The following HLCS variants were observed in gnomAD, a reference collection of about 807,000 sequenced individuals.
HLCS encodes biotin--protein ligase.
HLCS carries 53 observed loss-of-function variants against 75.0 expected under a neutral mutation model. The observed-to-expected ratio is 0.71, with a 90% CI of 0.57 to 0.89. The LOEUF is 0.89. Among genes scored for constraint, HLCS ranks in the 40% least tolerant of loss-of-function variants. The pLI, the probability that HLCS is intolerant of heterozygous loss-of-function variation, is 0.00. For synonymous variants in HLCS, 431 were observed against 428.6 expected (o/e 1.01, Z -0.07); for missense variants, 966 against 1,074.0 (o/e 0.90, Z 1.41).
chr21:36,790,057 A>G (rs2060810722), intron 6 of HLCS, among the ~76,000 whole-genome samples: 1 of 151,752 alleles, frequency 6.6e-6, no homozygotes, highest in African/African-American at 2.4e-5. Flanking sequence ...GGTTTGAACA[A>G]GGCTTAAAAG....
At chr21:36,883,585 T>C (rs556234397) in intron 6 of HLCS, among the ~76,000 whole-genome samples, 14 of 152,366 alleles carry the variant, frequency 9.2e-5, no homozygotes, top group African/African-American at 3.1e-4. Context: ...TTTCTTATCA[T>C]AGATTTCTTA....
chr21:36,907,978 A>G (rs2065533186), intron 5 of HLCS, among the ~76,000 whole-genome samples: 1 of 152,174 alleles, frequency 6.6e-6, no homozygotes, highest in African/African-American at 2.4e-5. Flanking sequence ...TAAAATTAAA[A>G]AACTATTTTA....
chr21:36,864,054 G>C (rs930635688), intron 6 of HLCS, among the ~76,000 whole-genome samples: 1 of 152,184 alleles, frequency 6.6e-6, no homozygotes, highest in African/African-American at 2.4e-5. Flanking sequence ...TCTTGTAAGT[G>C]TGTTCAAAGG....
intron 1 of HLCS, among the ~76,000 whole-genome samples, chr21:36,986,243 G>A (rs2069227162): frequency 6.6e-6 from 1 of 152,104 alleles, no homozygotes; most frequent in Non-Finnish European, 1.5e-5. Flanking sequence ...CACCAGATGT[G>A]GCTCCTCAAT....
chr21:36,785,426 A>G (rs895606570), intron 6 of HLCS, among the ~76,000 whole-genome samples: 2 of 151,672 alleles, frequency 1.3e-5, no homozygotes, highest in African/African-American at 2.4e-5. Flanking sequence ...CTTGCCCCCA[A>G]TTCCATTTTC....
chr21:36,918,797 C>T lies in HLCS; in HGVS notation c.1620+11454G>A, dbSNP rs1470433955. ...GCTAAAATGTGGCATTCAACAAGGACACAGAAATCAACTTTGCCCTAAAAG... is the reference window on the plus strand; with the variant it reads ...GCTAAAATGTGGCATTCAACAAGGATACAGAAATCAACTTTGCCCTAAAAG... On this transcript the variant is annotated intron_variant, in intron 5 of 10. Coordinates refer to ENST00000674895, the MANE Select transcript of HLCS (RefSeq NM_001352514.2). 5.3e-5 allele frequency among the ~76,000 whole-genome samples: 8 copies of T among 152,212 alleles called. No individual in the cohort carries two copies. In the South Asian group the frequency reaches 1.2e-3, roughly 24 times the overall value.
At chr21:36,981,102 A>G (rs958250289) in intron 1 of HLCS, 8 of 152,314 alleles carry the variant, frequency 5.3e-5, no homozygotes, top group Non-Finnish European at 1.0e-4. Context: ...ACCCACCTTG[A>G]TAACTGCTTG....
At chr21:36,798,354 T>A (rs2061092496) in intron 6 of HLCS, among the ~76,000 whole-genome samples, 1 of 152,232 alleles carries the variant, frequency 6.6e-6, no homozygotes, top group African/African-American at 2.4e-5. Context: ...TTCTTTTATA[T>A]TGCTTGGATT....
At chr21:36,984,278 T>TTTATTG (rs1289115078) in intron 1 of HLCS, among the ~76,000 whole-genome samples, 2 of 152,120 alleles carry the variant, frequency 1.3e-5, no homozygotes, top group Non-Finnish European at 2.9e-5. Context: ...ATATATATTG[T>TTTATTG]TTTTTCCTAT....
At chr21:36,841,631 C>T (rs2062620134) in intron 6 of HLCS, among the ~76,000 whole-genome samples, 1 of 152,222 alleles carries the variant, frequency 6.6e-6, no homozygotes, top group African/African-American at 2.4e-5. Context: ...GGGCAAAACA[C>T]TATCATCTTC....
intron 1 of HLCS, among the ~76,000 whole-genome samples, chr21:36,973,221 C>T (rs2409870): frequency 0.41 from 59,791 of 144,604 alleles, 12,908 homozygotes; most frequent in South Asian, 0.54. Flanking sequence ...CAGAGAAAGA[C>T]CCTGTCTTTT....
At chr21:36,764,972 T>A (rs1434742226) in intron 8 of HLCS, 40 bp downstream of exon 8, 1 of 1,606,252 alleles carries the variant, frequency 6.2e-7, no homozygotes, top group Non-Finnish European at 8.5e-7. Flanking sequence ...AGATTCTGCA[T>A]GCATCCCAGG....
At position 36,897,059 on chromosome 21, in the gene HLCS, G is replaced by A. The variant is rs2146336015; in HGVS notation, c.1693C>T (p.Leu565Phe). ...DSEGEIKSGQ[L>F]SLRFVSSYVS... ...TAGGATGAAACAAATCTAAGAGAGA[G>A]CTGGCCGGATTTTATTTCTCCCTCG... Residue 565 changes from leucine to phenylalanine, a missense_variant, in exon 6 of 11, where the codon CTC (leucine) becomes TTC (phenylalanine). Leu to Phe is a conservative substitution (Grantham distance 22, BLOSUM62 0). Coordinates refer to ENST00000674895, the MANE Select transcript of HLCS (RefSeq NM_001352514.2). 6.2e-7 allele frequency: 1 copy of A among 1,614,132 alleles called. No individual in the cohort carries two copies. The highest frequency in any genetic ancestry group is 1.1e-5 in the South Asian group (1 of 91,082).
intron 5 of HLCS, among the ~76,000 whole-genome samples, chr21:36,927,952 T>C (rs930027718): frequency 6.6e-6 from 1 of 152,024 alleles, no homozygotes; most frequent in African/African-American, 2.4e-5. Context: ...GGTGCCAAGA[T>C]CCTCTCCATG....
chr21:36,805,175 A>C lies in HLCS; in HGVS notation c.1893-37890T>G, dbSNP rs116687790. On this transcript the variant is annotated intron_variant, in intron 6 of 10. Coordinates refer to ENST00000674895, the MANE Select transcript of HLCS (RefSeq NM_001352514.2). ...ACTTTTTTTAATAGCAAAGAAAGCAAGCCAGTAAGATGTCCAGCTTGGGAA... is the reference window on the plus strand; with the variant it reads ...ACTTTTTTTAATAGCAAAGAAAGCACGCCAGTAAGATGTCCAGCTTGGGAA... 3.5e-3 allele frequency among the ~76,000 whole-genome samples: 528 copies of C among 152,312 alleles called. 1 individual carries two copies. Among genetic ancestry groups the C allele is most frequent in the African/African-American group, 0.012 (500 of 41,566 alleles).
intron 6 of HLCS, among the ~76,000 whole-genome samples, chr21:36,871,793 A>G (rs1378687114): frequency 6.6e-6 from 1 of 152,232 alleles, no homozygotes; most frequent in East Asian, 1.9e-4. Flanking sequence ...TAATAAAATG[A>G]CAAGTACCCC....
intron 6 of HLCS, among the ~76,000 whole-genome samples, chr21:36,817,382 CT>C (rs2061694404): frequency 1.3e-5 from 2 of 152,146 alleles, no homozygotes. Flanking sequence ...GGGTTTTCGT[CT>C]TTTAAAAGTC....
intron 6 of HLCS, among the ~76,000 whole-genome samples, chr21:36,775,782 G>T (rs957611631): frequency 6.6e-6 from 1 of 152,184 alleles, no homozygotes; most frequent in Non-Finnish European, 1.5e-5. Context: ...CCTAAAGAGG[G>T]TCTGCTACTG....
intron 1 of HLCS, among the ~76,000 whole-genome samples, chr21:36,982,593 A>G (rs986561448): frequency 6.6e-6 from 1 of 152,188 alleles, no homozygotes; most frequent in Non-Finnish European, 1.5e-5. Flanking sequence ...AAAGCTTCAT[A>G]TTGTGGTTCT....
Sources: gnomAD v4.1 joint callset for allele counts (sites outside exome capture counted in the v4.1 genomes callset) on GRCh38, gnomAD v4.1.1 for gene constraint, MANE v1.5 for transcripts, NCBI Gene and HGNC (gene_info 2026-07-23, HGNC 2026-07-21) for gene names.